The following SLC12A4 variants were observed in gnomAD, a reference collection of about 807,000 sequenced individuals.
SLC12A4 encodes electroneutral potassium-chloride cotransporter 1.
A neutral mutation model predicts 119.2 loss-of-function variants in SLC12A4; 84 were observed. That is an observed-to-expected ratio of 0.70 (90% CI 0.59 to 0.85). The LOEUF is 0.85. Ranked by LOEUF, SLC12A4 falls within the 40% of genes least tolerant of loss-of-function variation. The pLI is 0.00. For missense variants in SLC12A4, 1,298 were observed against 1,476.3 expected, an observed-to-expected ratio of 0.88 and a Z score of 1.98; for synonymous variants, 599 against 604.6, an observed-to-expected ratio of 0.99 and a Z score of 0.14.
In SLC12A4 at chr16:67,950,944, A is replaced by G; in HGVS notation, c.1396+18T>C. The G allele has an allele frequency of 6.2e-7, 1 of 1,610,974 alleles. No homozygotes were observed. The highest frequency in any genetic ancestry group is 1.3e-5 in the African/African-American group (1 of 74,972). On this transcript the variant is annotated intron_variant, in intron 10 of 23. Transcript: ENST00000316341. This position sits in a 1 kb window ranked among gnomAD's most constrained non-coding sequence, Gnocchi z 4.3. ...TCCCGTCCTCTGCCCCACCTGCCCCAGGCCTGGGAAAGGATACACACGAGG... is the reference window on the plus strand; with the variant it reads ...TCCCGTCCTCTGCCCCACCTGCCCCGGGCCTGGGAAAGGATACACACGAGG...
rs2058414488 is a variant in SLC12A4 at position 67,951,382 on chromosome 16, A to G, written c.1133-78T>C. On this transcript the variant is annotated intron_variant, in intron 8 of 23. Coordinates refer to ENST00000316341, the MANE Select transcript of SLC12A4 (RefSeq NM_005072.5). This position sits in a 1 kb window ranked among gnomAD's most constrained non-coding sequence, Gnocchi z 5.2. ...TTTGGGGCAGCCTAGCCAGAGGCGC[A>G]GATGCAGGGCAACTTTGGGGACTCA... The G allele has an allele frequency of 6.6e-7, 1 of 1,511,876 alleles. No individual in the cohort carries two copies. Among genetic ancestry groups the G allele is most frequent in the Non-Finnish European group, 8.9e-7 (1 of 1,121,396 alleles). The allele number at this position is 1,511,876 out of a possible 1,614,324, so 93.7% of individuals were successfully genotyped here. A position where few individuals can be genotyped will look rare whatever the true frequency, so the allele number is the denominator to read the frequency against.
At position 67,957,726 on chromosome 16, in the gene SLC12A4, G is replaced by C. The variant is rs552256749; in HGVS notation, c.544+16C>G. 1 of 1,612,698 alleles carries C rather than the reference G, an allele frequency of 6.2e-7. No homozygotes were observed. The highest frequency in any genetic ancestry group is 1.1e-5 in the South Asian group (1 of 90,992). On this transcript the variant is annotated intron_variant, in intron 5 of 23. Transcript: ENST00000316341. Reference sequence around the variant, plus strand: ...TCCTTTTCTCTTCCACCAGGCCTTGGGTGGCGCTCACTGACCTGGAACCAC... The same window carrying C: ...TCCTTTTCTCTTCCACCAGGCCTTGCGTGGCGCTCACTGACCTGGAACCAC...
intron 6 of SLC12A4, among the ~76,000 whole-genome samples, chr16:67,953,311 C>T (rs2030048447): frequency 6.6e-6 from 1 of 152,202 alleles, no homozygotes; most frequent in Admixed American, 6.5e-5. Flanking sequence ...CACTTGAACC[C>T]AGGAGGCGGA....
Position 67,947,740 on chromosome 16 carries a change from G to C in SLC12A4, c.1896C>G (p.Val632=), listed in dbSNP as rs757619842. 6 of 1,600,976 alleles carry C rather than the reference G, an allele frequency of 3.7e-6. No individual in the cohort carries two copies. The African/African-American group carries it at 4.0e-5, about 11-fold the overall frequency. Residue 632 remains valine, a synonymous_variant, in exon 15 of 24, where the codon GTC becomes GTG. Coordinates refer to ENST00000316341, the MANE Select transcript of SLC12A4 (RefSeq NM_005072.5). The stretch of plus-strand genomic sequence containing the variant: ...CCACCAGGGCATAGTACCAGGAGGA[G>C]ACAAACATAAGGGCCAGGCAGAGAC... The part of the protein sequence containing the change: ...GMSLCLALMF[V]SSWYYALVAM...
In SLC12A4 at chr16:67,946,595, G is replaced by A; in HGVS notation, c.2280C>T (p.Gly760=). Residue 760 remains glycine, a synonymous_variant, in exon 18 of 24, where the codon GGC becomes GGT. Coordinates refer to ENST00000316341, the MANE Select transcript of SLC12A4 (RefSeq NM_005072.5). ...KNMMEIEKVK[G]FCQVVVASKV... is the part of the protein sequence containing the mutation. ...TGCTGGCCACCACCACCTGGCAGAAGCCCTTCACCTTCTCAATTTCCATCA... is the reference window on the plus strand; with the variant it reads ...TGCTGGCCACCACCACCTGGCAGAAACCCTTCACCTTCTCAATTTCCATCA... The A allele has an allele frequency of 6.2e-7, 1 of 1,613,022 alleles. No individual in the cohort carries two copies. Among genetic ancestry groups the A allele is most frequent in the African/African-American group, 1.3e-5 (1 of 75,078 alleles).
At chr16:67,956,663 G>A (rs2030277244) in intron 5 of SLC12A4, among the ~76,000 whole-genome samples, 1 of 151,926 alleles carries the variant, frequency 6.6e-6, no homozygotes, top group South Asian at 2.1e-4. Context: ...CAGCCTGGGT[G>A]ACAGAGAGAG....
intron 5 of SLC12A4, among the ~76,000 whole-genome samples, chr16:67,957,274 A>G (rs1797750831): frequency 6.7e-6 from 1 of 148,222 alleles, no homozygotes; most frequent in Admixed American, 6.9e-5. Context: ...GGTTCACGCC[A>G]TTCTCCTGCC....
rs1428776597 is a variant in SLC12A4, at chr16:67,949,780, C to T, written c.1748+20G>A. 6.4e-7 allele frequency: 1 copy of T among 1,566,374 alleles called. No individual in the cohort carries two copies. Among genetic ancestry groups the T allele is most frequent in the South Asian group, 1.1e-5 (1 of 89,606 alleles). ...AGGAAGCCTTTCCCCATCCCCCTGC[C>T]CTGCCCGGCCCCAGCTCACATGGAT... On this transcript the variant is annotated intron_variant, in intron 13 of 23. Coordinates refer to ENST00000316341, the MANE Select transcript of SLC12A4 (RefSeq NM_005072.5). The surrounding 1 kb of genome is among the most constrained non-coding windows in gnomAD (Gnocchi z 4.6).
At chr16:67,957,839 C>A (rs1328135339) in intron 4 of SLC12A4, 43 bp from the exon 5 acceptor site, 2 of 1,613,982 alleles carry the variant, frequency 1.2e-6, no homozygotes, top group African/African-American at 2.7e-5. Context: ...GCTGGGTGGG[C>A]TCTGTGGGGG....
At chr16:67,960,581 T>G (rs1418630434) in intron 3 of SLC12A4, among the ~76,000 whole-genome samples, 1 of 151,134 alleles carries the variant, frequency 6.6e-6, no homozygotes, top group African/African-American at 2.4e-5. Context: ...CAGGAGCGCC[T>G]TCTGCTTGTG....
chr16:67,960,681 A>C (rs1173924245), intron 3 of SLC12A4, among the ~76,000 whole-genome samples: 1 of 151,488 alleles, frequency 6.6e-6, no homozygotes, highest in African/African-American at 2.4e-5. Flanking sequence ...CAGTGTGTGG[A>C]GAGGGAGGGT....
chr16:67,963,303 T>A (rs2030681182), intron 2 of SLC12A4, 162 bp downstream of exon 2: 1 of 429,612 alleles, frequency 2.3e-6, no homozygotes, highest in Non-Finnish European at 4.1e-6. Flanking sequence ...GCAGTTTCAG[T>A]TGAAAGGGCC....
At chr16:67,966,791 G>T (rs1258752964) in intron 1 of SLC12A4, 18 of 1,551,312 alleles carry the variant, frequency 1.2e-5, no homozygotes, top group Non-Finnish European at 1.5e-5. Context: ...GACAGCCAAG[G>T]TCTGGCTGGA....
Position 67,951,408 on chromosome 16 carries a change from G to C in SLC12A4, c.1133-104C>G. ...GATGCAGGGCAACTTTGGGGACTCA[G>C]GGAACAGCTTCAGCCCAATGACTGC... On this transcript the variant is annotated intron_variant, in intron 8 of 23. Coordinates refer to ENST00000316341, the MANE Select transcript of SLC12A4 (RefSeq NM_005072.5). The surrounding 1 kb of genome is among the most constrained non-coding windows in gnomAD (Gnocchi z 5.2). 7.6e-7 allele frequency: 1 copy of C among 1,320,018 alleles called. No homozygotes were observed. Among genetic ancestry groups the C allele is most frequent in the Non-Finnish European group, 1.0e-6 (1 of 962,376 alleles). 81.8% of individuals were successfully genotyped at this position (1,320,018 alleles called of 1,614,324 possible).
At chr16:67,954,398 G>A (rs1214798673) in intron 6 of SLC12A4, among the ~76,000 whole-genome samples, 1 of 152,244 alleles carries the variant, frequency 6.6e-6, no homozygotes, top group African/African-American at 2.4e-5. Flanking sequence ...TGGTGCCCAG[G>A]TGGATGGAAC....
At chr16:67,965,484 G>A (rs1284703697) in intron 1 of SLC12A4, among the ~76,000 whole-genome samples, 2 of 152,152 alleles carry the variant, frequency 1.3e-5, no homozygotes, top group African/African-American at 4.8e-5. Context: ...CCCTTCCTCT[G>A]CATGGTTTTC....
Position 67,951,394 on chromosome 16 carries a change from AC to A in SLC12A4, c.1133-91del. ...TAGCCAGAGGCGCAGATGCAGGGCA[AC>A]TTTGGGGACTCAGGGAACAGCTTCA... On this transcript the variant is annotated intron_variant, in intron 8 of 23. Coordinates refer to ENST00000316341, the MANE Select transcript of SLC12A4 (RefSeq NM_005072.5). The surrounding 1 kb of genome is among the most constrained non-coding windows in gnomAD (Gnocchi z 5.2). 1.4e-6 allele frequency: 2 copies of A among 1,430,984 alleles called. No homozygotes were observed. Among genetic ancestry groups the A allele is most frequent in the Non-Finnish European group, 1.9e-6 (2 of 1,056,418 alleles). 88.6% of individuals were successfully genotyped at this position (1,430,984 alleles called of 1,614,324 possible).
Position 67,947,406 on chromosome 16 carries a change from C to A in SLC12A4, c.1997G>T (p.Arg666Leu). ...GAEKEWGDGI[R>L]GLSLSAARYA... ...GCGGGCAGCGCTCAGGGACAGGCCT[C>A]GGATCCCGTCACCCCACTCCTTCTC... Residue 666 changes from arginine to leucine, a missense_variant, in exon 16 of 24, where the codon CGA (arginine) becomes CTA (leucine). By Grantham distance (102) the Arg-to-Leu change is moderately radical (BLOSUM62 -2). Transcript: ENST00000316341. 1 of 1,612,692 alleles carries A rather than the reference C, an allele frequency of 6.2e-7. No individual in the cohort carries two copies. Among genetic ancestry groups the A allele is most frequent in the Non-Finnish European group, 8.5e-7 (1 of 1,179,836 alleles).
chr16:67,952,982 C>T (rs1208344709), intron 6 of SLC12A4, among the ~76,000 whole-genome samples: 1 of 152,002 alleles, frequency 6.6e-6, no homozygotes, highest in Non-Finnish European at 1.5e-5. Context: ...CCTGTAATCC[C>T]AGCTACTCGG....
Sources: gnomAD v4.1 joint callset for allele counts (sites outside exome capture counted in the v4.1 genomes callset) on GRCh38, gnomAD v4.1.1 for gene constraint, Gnocchi (gnomAD v3.1) non-coding constraint, MANE v1.5 for transcripts, NCBI Gene and HGNC (gene_info 2026-07-23, HGNC 2026-07-21) for gene names.